GRIK2: variants seen among roughly 807,000 people sequenced by gnomAD.
The protein encoded by GRIK2 is glutamate ionotropic receptor kainate type subunit 2, also known as glutamate receptor ionotropic, kainate 2.
A neutral mutation model predicts 100.3 loss-of-function variants in GRIK2; 32 were observed. That is an observed-to-expected ratio of 0.32 (90% CI 0.24 to 0.43). The LOEUF (loss-of-function observed/expected upper bound fraction) is 0.43. Among genes scored for constraint, GRIK2 ranks in the 20% least tolerant of loss-of-function variants. The probability of loss-of-function intolerance (pLI) is 1.00; values close to 1 mark genes in which losing one functional copy is unlikely to be tolerated. For missense variants in GRIK2, 843 were observed against 1,114.9 expected, an observed-to-expected ratio of 0.76 and a Z score of 3.47; for synonymous variants, 417 against 389.4, an observed-to-expected ratio of 1.07 and a Z score of -0.83.
intron 4 of GRIK2, among the ~76,000 whole-genome samples, chr6:101,661,228 G>C (rs994220869): frequency 5.3e-5 from 8 of 152,150 alleles, no homozygotes; most frequent in African/African-American, 1.9e-4. Context: ...CTGAGCTGCA[G>C]TGGGCTCCAG....
chr6:101,966,411 A>T (rs1280059685), intron 14 of GRIK2, among the ~76,000 whole-genome samples: 1 of 152,150 alleles, frequency 6.6e-6, no homozygotes, highest in Non-Finnish European at 1.5e-5. Flanking sequence ...GCGATGCCCA[A>T]GTAGATCTTG....
At chr6:101,525,741 A>G (rs1293061275) in intron 2 of GRIK2, among the ~76,000 whole-genome samples, 1 of 152,202 alleles carries the variant, frequency 6.6e-6, no homozygotes, top group Non-Finnish European at 1.5e-5. Context: ...GTGAATTTCA[A>G]ACATGACCTG....
chr6:101,905,729 A>G (rs1427028004), intron 12 of GRIK2, among the ~76,000 whole-genome samples: 1 of 151,434 alleles, frequency 6.6e-6, no homozygotes, highest in African/African-American at 2.4e-5. Flanking sequence ...GCATCAATTT[A>G]TCAATAAGTA....
In GRIK2 at chr6:102,068,432, T is replaced by G. The variant is rs1207490900; in HGVS notation, c.2648T>G (p.Val883Gly). 6.2e-7 allele frequency: 1 copy of G among 1,612,166 alleles called. No homozygotes were observed. The change falls in exon 17 of 17, where the codon GTT becomes GGT. Residue 883 changes from valine (V) to glycine (G), a missense_variant. By Grantham distance (109) the Val-to-Gly change is moderately radical. Coordinates refer to ENST00000369134, the MANE Select transcript of GRIK2 (RefSeq NM_021956.5). Reference protein sequence around the residue: ...RRLKHKPQAPVIVKTEEVINM... With the variant: ...RRLKHKPQAPGIVKTEEVINM... ...TTAAAACATAAGCCACAGGCCCCAG[T>G]TATTGTGAAAACAGAAGAAGTTATC...
At chr6:101,869,366 G>A (rs1212783060) in intron 11 of GRIK2, among the ~76,000 whole-genome samples, 1 of 151,904 alleles carries the variant, frequency 6.6e-6, no homozygotes, top group African/African-American at 2.4e-5. Flanking sequence ...ATGCTAATAT[G>A]TAATTACACT....
At chr6:101,755,133 AAATCATTTCTTTTCTTTTTT>A (rs895486922) in intron 7 of GRIK2, among the ~76,000 whole-genome samples, 3 of 151,672 alleles carry the variant, frequency 2.0e-5, no homozygotes, top group Non-Finnish European at 4.4e-5. Flanking sequence ...GGATTAGCAT[AAATCATTTCTTTTCTTTTTT>A]CTTTTTGGTT....
chr6:101,465,926 G>GCTC (rs1771621971), intron 2 of GRIK2, among the ~76,000 whole-genome samples: 1 of 152,110 alleles, frequency 6.6e-6, no homozygotes, highest in South Asian at 2.1e-4. Context: ...TTTGACTAGA[G>GCTC]GGAGGCAATG....
At chr6:101,784,443 G>A (rs912092249) in intron 7 of GRIK2, among the ~76,000 whole-genome samples, 13 of 152,220 alleles carry the variant, frequency 8.5e-5, no homozygotes, top group Non-Finnish European at 1.6e-4. Flanking sequence ...AGGAGACTTT[G>A]GACTTGGATT....
chr6:101,575,910 T>C (rs1401716655), intron 2 of GRIK2, among the ~76,000 whole-genome samples: 1 of 151,986 alleles, frequency 6.6e-6, no homozygotes, highest in East Asian at 1.9e-4. Context: ...AATTGATTTT[T>C]CCACCTCATC....
intron 2 of GRIK2, among the ~76,000 whole-genome samples, chr6:101,443,926 C>T (rs532907964): frequency 2.0e-5 from 3 of 151,166 alleles, no homozygotes; most frequent in East Asian, 3.9e-4. Flanking sequence ...ACTCTGTCTT[C>T]TCGGCTGGAG....
At chr6:101,540,186 G>C (rs1775915619) in intron 2 of GRIK2, among the ~76,000 whole-genome samples, 1 of 151,580 alleles carries the variant, frequency 6.6e-6, no homozygotes, top group Non-Finnish European at 1.5e-5. Context: ...ATAGAATTTT[G>C]AGTTTATTCT....
chr6:101,494,035 T>TTATA (rs66483989), intron 2 of GRIK2, among the ~76,000 whole-genome samples: 86,481 of 143,870 alleles, frequency 0.6, 26,839 homozygotes, highest in African/African-American at 0.76. Context: ...TATATATAAT[T>TTATA]TATTATATAA....
intron 2 of GRIK2, among the ~76,000 whole-genome samples, chr6:101,406,424 T>A (rs1443223005): frequency 6.6e-6 from 1 of 152,202 alleles, no homozygotes; most frequent in Admixed American, 6.5e-5. Context: ...TGTGAAGATC[T>A]GAAAGGGTTT....
chr6:101,587,015 A>C (rs972033437), intron 2 of GRIK2, among the ~76,000 whole-genome samples: 1 of 152,022 alleles, frequency 6.6e-6, no homozygotes, highest in African/African-American at 2.4e-5. Flanking sequence ...ACTCAATGGC[A>C]GCAAGAATCT....
chr6:101,879,452 C>T (rs1360744145), intron 11 of GRIK2, among the ~76,000 whole-genome samples: 1 of 151,958 alleles, frequency 6.6e-6, no homozygotes, highest in Non-Finnish European at 1.5e-5. Context: ...TAGCCTTTCA[C>T]TTTAAGAGAG....
At chr6:101,969,932 A>G (rs1582639526) in intron 14 of GRIK2, among the ~76,000 whole-genome samples, 1 of 151,992 alleles carries the variant, frequency 6.6e-6, no homozygotes, top group Non-Finnish European at 1.5e-5. Flanking sequence ...TATGGCTTGG[A>G]GAGTGTGTTC....
intron 7 of GRIK2, among the ~76,000 whole-genome samples, chr6:101,732,007 G>A (rs542623029): frequency 1.6e-4 from 25 of 152,134 alleles, no homozygotes; most frequent in African/African-American, 5.3e-4. Flanking sequence ...CAAATGAGTA[G>A]TGAACAGCGT....
chr6:101,496,311 C>T (rs992245325), intron 2 of GRIK2, among the ~76,000 whole-genome samples: 3 of 152,010 alleles, frequency 2.0e-5, no homozygotes, highest in African/African-American at 7.3e-5. Context: ...AATTTTCAAC[C>T]TGATAATAAA....
rs371522416 is a variant in GRIK2, at chr6:101,779,877, C to CTATA, written c.952-19762_952-19759dup. Among the ~76,000 whole-genome samples, 585 of 151,708 alleles carry CTATA rather than the reference C, an allele frequency of 3.9e-3. 1 individual carries two copies. The highest frequency in any genetic ancestry group is 6.8e-3 in the Middle Eastern group (2 of 294). ...TGCTTGGAGAGATAAATCTCTCTCT[C>CTATA]TATATATATATAAAATTGTAGTTGA... On this transcript the variant is annotated intron_variant, in intron 7 of 16. Coordinates refer to ENST00000369134, the MANE Select transcript of GRIK2 (RefSeq NM_021956.5).
Sources: allele counts gnomAD v4.1 joint callset (sites outside exome capture counted in the v4.1 genomes callset), GRCh38; gene constraint gnomAD v4.1.1; transcripts MANE v1.5; gene names NCBI Gene and HGNC (gene_info 2026-07-23, HGNC 2026-07-21).